Variants in ABI1 observed in about 807,000 individuals in gnomAD.
ABI1 encodes abl interactor 1, also known as Abelson interactor 1.
In ABI1, 14 loss-of-function variants were observed where a neutral mutation model predicts 54.6. The ratio of observed to expected loss-of-function variants is 0.26; its 90% CI spans 0.17 to 0.40. The LOEUF is 0.40. Among genes scored for constraint, ABI1 ranks in the 10% least tolerant of loss-of-function variants. The pLI, the probability that ABI1 is intolerant of heterozygous loss-of-function variation, is 1.00. For synonymous variants in ABI1, 194 were observed against 209.3 expected (o/e 0.93, Z 0.63); for missense variants, 443 against 598.3 (o/e 0.74, Z 2.71).
intron 3 of ABI1, among the ~76,000 whole-genome samples, chr10:26,771,878 A>G (rs1035032834): frequency 2.0e-5 from 3 of 152,176 alleles, no homozygotes; most frequent in Non-Finnish European, 4.4e-5. Flanking sequence ...ACTAGCCTAC[A>G]CAACATGAAA....
intron 1 of ABI1, among the ~76,000 whole-genome samples, chr10:26,832,456 C>T (rs776258294): frequency 1.3e-5 from 2 of 151,946 alleles, no homozygotes; most frequent in African/African-American, 2.4e-5. Flanking sequence ...TGGTGGCGGG[C>T]GCCTGTAGTC....
chr10:26,860,692 C>A lies in ABI1; in HGVS notation c.117+55G>T. 7.0e-7 allele frequency: 1 copy of A among 1,422,830 alleles called. No homozygotes were observed. The highest frequency in any genetic ancestry group is 1.1e-5 in the South Asian group (1 of 87,234). 88.1% of individuals were successfully genotyped at this position (1,422,830 alleles called of 1,614,324 possible). A position where few individuals can be genotyped will look rare whatever the true frequency, so the allele number is the denominator to read the frequency against. On this transcript the variant is annotated intron_variant, in intron 1 of 10. Transcript: ENST00000376140. This position sits in a 1 kb window ranked among gnomAD's most constrained non-coding sequence, Gnocchi z 4.1. ...TCCCCACCCCGCCCAGTGGGCTGGT[C>A]ACTCCGGCGGGTCCTCGACCCGGCC...
At chr10:26,815,687 C>A (rs1337317896) in intron 2 of ABI1, among the ~76,000 whole-genome samples, 1 of 152,132 alleles carries the variant, frequency 6.6e-6, no homozygotes, top group East Asian at 1.9e-4. Flanking sequence ...GTGGAAAGAT[C>A]ACTTGAAGCA....
intron 2 of ABI1, 42 bp from the exon 3 acceptor site, chr10:26,777,283 A>G (rs1336263072): frequency 2.6e-6 from 4 of 1,512,596 alleles, no homozygotes; most frequent in Non-Finnish European, 3.6e-6. Flanking sequence ...ATTATTTGAC[A>G]TAATATGTTT....
At chr10:26,778,157 C>T (rs759037960) in intron 2 of ABI1, among the ~76,000 whole-genome samples, 1 of 152,158 alleles carries the variant, frequency 6.6e-6, no homozygotes, top group Non-Finnish European at 1.5e-5. Context: ...TATAAACTGT[C>T]AGCAAGCAGC....
At chr10:26,855,092 T>C (rs1362409006) in intron 1 of ABI1, among the ~76,000 whole-genome samples, 1 of 152,194 alleles carries the variant, frequency 6.6e-6, no homozygotes, top group East Asian at 1.9e-4. Flanking sequence ...AGTAAGTATA[T>C]AATGCAAACA....
intron 8 of ABI1, 124 bp from the exon 9 acceptor site, chr10:26,755,865 G>GAAACA (rs1838240098): frequency 5.0e-6 from 3 of 596,398 alleles, no homozygotes; most frequent in Non-Finnish European, 8.3e-6. Flanking sequence ...GTTTGCAAAT[G>GAAACA]AAACAAAACA....
intron 1 of ABI1, among the ~76,000 whole-genome samples, chr10:26,832,541 G>A (rs139046701): frequency 0.016 from 2,418 of 152,058 alleles, 53 homozygotes; most frequent in African/African-American, 0.054. Context: ...CCGAGATCAC[G>A]TCACTGCACT....
intron 2 of ABI1, among the ~76,000 whole-genome samples, chr10:26,820,250 AAT>A (rs2047883025): frequency 6.6e-6 from 1 of 152,224 alleles, no homozygotes; most frequent in Non-Finnish European, 1.5e-5. Flanking sequence ...TGATAGTGGT[AAT>A]CATTTCACAA....
At chr10:26,770,036 T>C (rs1176341717) in intron 5 of ABI1, among the ~76,000 whole-genome samples, 2 of 152,214 alleles carry the variant, frequency 1.3e-5, no homozygotes, top group Admixed American at 6.5e-5. Flanking sequence ...ACATAAAAAC[T>C]TTCCTAGTAC....
intron 2 of ABI1, among the ~76,000 whole-genome samples, chr10:26,790,025 G>A (rs1446182344): frequency 6.6e-6 from 1 of 152,196 alleles, no homozygotes; most frequent in African/African-American, 2.4e-5. Flanking sequence ...TCTTTATCCA[G>A]TCTATCACTG....
intron 1 of ABI1, among the ~76,000 whole-genome samples, chr10:26,839,426 G>A (rs2049322909): frequency 6.6e-6 from 1 of 152,124 alleles, no homozygotes; most frequent in South Asian, 2.1e-4. Context: ...AGCCCAGGAG[G>A]TTGAGGCTGC....
At position 26,860,727 on chromosome 10, in the gene ABI1, C is replaced by A; in HGVS notation, c.117+20G>T. 6.3e-7 allele frequency: 1 copy of A among 1,599,422 alleles called. No homozygotes were observed. The highest frequency in any genetic ancestry group is 1.1e-5 in the South Asian group (1 of 90,768). On this transcript the variant is annotated intron_variant, in intron 1 of 10. Transcript: ENST00000376140. This position sits in a 1 kb window ranked among gnomAD's most constrained non-coding sequence, Gnocchi z 4.1. ...GGTCCTCGACCCGGCCAGCGCCCGC[C>A]GGCCGCCAGAGCGCCTCACCTGTAT...
chr10:26,755,613 G>T, intron 9 of ABI1, 42 bp downstream of exon 9: 1 of 1,489,808 alleles, frequency 6.7e-7, no homozygotes, highest in South Asian at 1.1e-5. Context: ...GCTATAAGGA[G>T]ACAGCCTCTA....
At chr10:26,767,059 G>GA (rs1022092840) in intron 6 of ABI1, among the ~76,000 whole-genome samples, 3 of 152,116 alleles carry the variant, frequency 2.0e-5, no homozygotes, top group Admixed American at 2.0e-4. Context: ...TGTTCTAACA[G>GA]AATGAGCTCT....
intron 1 of ABI1, among the ~76,000 whole-genome samples, chr10:26,849,214 A>C (rs1446086122): frequency 6.6e-6 from 1 of 152,170 alleles, no homozygotes. Flanking sequence ...GTACAAAAAC[A>C]AAGGTAAATA....
chr10:26,751,609 T>G lies in ABI1; in HGVS notation c.1259A>C (p.Tyr420Ser). The G allele has an allele frequency of 2.5e-6, 4 of 1,612,350 alleles. No homozygotes were observed. The highest frequency in any genetic ancestry group is 3.4e-6 in the Non-Finnish European group (4 of 1,179,418). ...TGACTGTACCTTACCTTTCTCAATA[T>G]AATTCTTGGGGGCCCAAGCAGGATC... ...DGDPAWAPKNYIEKVVAIYDY... is the reference protein window; with the variant it reads ...DGDPAWAPKNSIEKVVAIYDY... The change falls in exon 10 of 11, where the codon TAT becomes TCT. Residue 420 changes from tyrosine to serine, a missense_variant. Physicochemically the swap from Tyr to Ser is moderately radical, Grantham distance 144. Around this residue, in one of 2 missense-constraint regions of ABI1, gnomAD observed 49 missense variants for 113.5 expected, o/e 0.43. Coordinates refer to ENST00000376140, the MANE Select transcript of ABI1 (RefSeq NM_001012750.3).
intron 5 of ABI1, among the ~76,000 whole-genome samples, chr10:26,769,604 A>C (rs1314313248): frequency 6.6e-6 from 1 of 152,232 alleles, no homozygotes; most frequent in Non-Finnish European, 1.5e-5. Flanking sequence ...CAGTATTAAG[A>C]AAAACAACCT....
intron 7 of ABI1, among the ~76,000 whole-genome samples, chr10:26,761,661 T>TACACACACAC (rs1554806654): frequency 2.9e-4 from 23 of 78,922 alleles, no homozygotes; most frequent in Non-Finnish European, 3.3e-4. Flanking sequence ...TATATATATA[T>TACACACACAC]ACACACACAC....
Sources: allele counts gnomAD v4.1 joint callset (sites outside exome capture counted in the v4.1 genomes callset), GRCh38; gene constraint gnomAD v4.1.1; regional missense constraint gnomAD v4.1.1; non-coding constraint Gnocchi (gnomAD v3.1); transcripts MANE v1.5; gene names NCBI Gene and HGNC (gene_info 2026-07-23, HGNC 2026-07-21).